The following CREB5 variants were observed in gnomAD, a reference collection of about 807,000 sequenced individuals.
CREB5 encodes cyclic AMP-responsive element-binding protein 5.
Under a neutral mutation model 57.1 loss-of-function variants are expected in CREB5, and 19 were observed. The observed-to-expected ratio is 0.33, with a 90% CI of 0.23 to 0.49. The LOEUF is 0.49. Among genes scored for constraint, CREB5 ranks in the 20% least tolerant of loss-of-function variants. The pLI, the probability that CREB5 is intolerant of heterozygous loss-of-function variation, is 0.99. For missense variants in CREB5, 579 were observed against 671.6 expected (o/e 0.86, Z 1.52); for synonymous variants, 238 against 238.3 (o/e 1.00, Z 0.01).
At chr7:28,361,501 A>C (rs1393690735) in intron 1 of CREB5, among the ~76,000 whole-genome samples, 1 of 152,228 alleles carries the variant, frequency 6.6e-6, no homozygotes, top group Non-Finnish European at 1.5e-5. Flanking sequence ...GGTGGTGGGC[A>C]TATGACCTGA....
At chr7:28,691,419 C>CAAAAAAAAAA (rs1562574947) in intron 5 of CREB5, among the ~76,000 whole-genome samples, 1 of 91,996 alleles carries the variant, frequency 1.1e-5, no homozygotes, top group Non-Finnish European at 2.2e-5. Flanking sequence ...GACTCTGTCT[C>CAAAAAAAAAA]CAAAAAAAAA....
intron 5 of CREB5, among the ~76,000 whole-genome samples, chr7:28,634,186 T>A (rs554540422): frequency 6.6e-6 from 1 of 152,330 alleles, no homozygotes; most frequent in South Asian, 2.1e-4. Flanking sequence ...AGCTTTAATC[T>A]GCCCATCCAG....
rs1349241873 is a variant in CREB5, at chr7:28,597,136, C to T, written c.464+26599C>T. Among the ~76,000 whole-genome samples, 4 of 152,186 alleles carry T rather than the reference C, an allele frequency of 2.6e-5. No homozygotes were observed. The East Asian group carries it at 7.7e-4, about 29-fold the overall frequency. On this transcript the variant is annotated intron_variant, in intron 5 of 10. Coordinates refer to ENST00000357727, the MANE Select transcript of CREB5 (RefSeq NM_182898.4). Reference sequence around the variant, plus strand: ...TCCATTATCTCCTTGGCAGGATAAGCAGTGCAGTTCTTTTCTTTTCCCTGC... The same window carrying T: ...TCCATTATCTCCTTGGCAGGATAAGTAGTGCAGTTCTTTTCTTTTCCCTGC...
intron 1 of CREB5, among the ~76,000 whole-genome samples, chr7:28,388,237 G>A (rs1204422630): frequency 1.3e-5 from 2 of 152,130 alleles, no homozygotes; most frequent in East Asian, 3.9e-4. Flanking sequence ...GACCTTTGAG[G>A]GACAAGCCTG....
At chr7:28,499,117 C>T (rs1391214266) in intron 3 of CREB5, among the ~76,000 whole-genome samples, 2 of 141,780 alleles carry the variant, frequency 1.4e-5, no homozygotes, top group Admixed American at 7.3e-5. Context: ...ATTTCCAAAT[C>T]TTGTCTTGTT....
At position 28,412,818 on chromosome 7, in the gene CREB5, C is replaced by A; in HGVS notation, c.-97C>A. 8.7e-7 allele frequency: 1 copy of A among 1,152,232 alleles called. No individual in the cohort carries two copies. Among genetic ancestry groups the A allele is most frequent in the Non-Finnish European group, 1.2e-6 (1 of 834,882 alleles). The allele number at this position is 1,152,232 out of a possible 1,614,324, so 71.4% of individuals were successfully genotyped here. ...ACTCAAGACTTATTTTCTTCCTAAT[C>A]TTGCTGGTGAAACAGAAGTTACTAG... On this transcript the variant is annotated 5_prime_UTR_variant, in exon 1 of 11. Coordinates refer to ENST00000357727, the MANE Select transcript of CREB5 (RefSeq NM_182898.4).
intron 1 of CREB5, among the ~76,000 whole-genome samples, chr7:28,439,090 C>T (rs1166190274): frequency 6.6e-6 from 1 of 152,120 alleles, no homozygotes; most frequent in Non-Finnish European, 1.5e-5. Flanking sequence ...CAACCCCAAA[C>T]CGAACCAAAC....
chr7:28,404,744 G>T (rs1475735997), intron 1 of CREB5, among the ~76,000 whole-genome samples: 1 of 152,184 alleles, frequency 6.6e-6, no homozygotes, highest in Admixed American at 6.5e-5. Flanking sequence ...GATTAACCAG[G>T]CACAGAGTTT....
chr7:28,594,652 T>C (rs1796635519), intron 5 of CREB5, among the ~76,000 whole-genome samples: 1 of 152,202 alleles, frequency 6.6e-6, no homozygotes, highest in Non-Finnish European at 1.5e-5. Context: ...TTAATAATTA[T>C]TGAAGAGTAA....
chr7:28,542,450 G>C (rs533231457), intron 4 of CREB5, among the ~76,000 whole-genome samples: 2 of 152,288 alleles, frequency 1.3e-5, no homozygotes, highest in East Asian at 3.9e-4. Context: ...TAAAACACTG[G>C]TTGTTTTGCA....
intron 5 of CREB5, among the ~76,000 whole-genome samples, chr7:28,644,198 G>A (rs1798802370): frequency 6.6e-6 from 1 of 151,918 alleles, no homozygotes; most frequent in South Asian, 2.1e-4. Flanking sequence ...AGGAAGGGAA[G>A]GGAAGGGAAG....
At chr7:28,331,543 A>G (rs553536187) in intron 1 of CREB5, among the ~76,000 whole-genome samples, 2 of 152,296 alleles carry the variant, frequency 1.3e-5, no homozygotes, top group South Asian at 4.1e-4. Context: ...GGATGCCAGC[A>G]TACTCTTCCC....
chr7:28,338,123 G>C (rs1785862908), intron 1 of CREB5, among the ~76,000 whole-genome samples: 1 of 151,980 alleles, frequency 6.6e-6, no homozygotes. Context: ...TCATATTTTA[G>C]TTTTTCTATT....
intron 5 of CREB5, among the ~76,000 whole-genome samples, chr7:28,586,531 C>A (rs1031388075): frequency 6.6e-6 from 1 of 152,138 alleles, no homozygotes; most frequent in Non-Finnish European, 1.5e-5. Flanking sequence ...ATGGCTTATT[C>A]TATTCTTTTG....
At chr7:28,737,577 ATATATATAT>A (rs1384391344) in intron 7 of CREB5, among the ~76,000 whole-genome samples, 2 of 29,864 alleles carry the variant, frequency 6.7e-5, no homozygotes, top group East Asian at 5.9e-4. Context: ...ATATATATAT[ATATATATAT>A]ATTTTTAACT....
At chr7:28,615,564 T>C (rs1797566712) in intron 5 of CREB5, 1 of 152,286 alleles carries the variant, frequency 6.6e-6, no homozygotes, top group Non-Finnish European at 1.5e-5. Context: ...AGTCTCTGAG[T>C]GTAACAAATG....
intron 1 of CREB5, among the ~76,000 whole-genome samples, chr7:28,446,704 C>A (rs925764319): frequency 6.6e-6 from 1 of 152,076 alleles, no homozygotes; most frequent in Non-Finnish European, 1.5e-5. Context: ...AGGCAGGAGA[C>A]TGGCGTGAAC....
At chr7:28,451,448 A>G (rs939142430) in intron 1 of CREB5, among the ~76,000 whole-genome samples, 78 of 116,282 alleles carry the variant, frequency 6.7e-4, no homozygotes, top group Non-Finnish European at 1.1e-3. Context: ...CCCTTTGCCA[A>G]ACTGTGTGTG....
chr7:28,703,137 A>G (rs1410252191), intron 5 of CREB5, among the ~76,000 whole-genome samples: 3 of 152,236 alleles, frequency 2.0e-5, no homozygotes, highest in Non-Finnish European at 4.4e-5. Context: ...TATGAAGATC[A>G]TTCTGGCTAC....
Sources: gnomAD v4.1 joint callset for allele counts (sites outside exome capture counted in the v4.1 genomes callset) on GRCh38, gnomAD v4.1.1 for gene constraint, MANE v1.5 for transcripts, NCBI Gene and HGNC (gene_info 2026-07-23, HGNC 2026-07-21) for gene names.